The following RIPOR3 variants were observed in gnomAD, a reference collection of about 807,000 sequenced individuals.
RIPOR3 encodes RIPOR family member 3, also known as family with sequence similarity 65 member C.
Under a neutral mutation model 114.3 loss-of-function variants are expected in RIPOR3, and 95 were observed. The ratio of observed to expected loss-of-function variants is 0.83; its 90% CI spans 0.70 to 0.99. The LOEUF is 0.99. RIPOR3 is among the 50% of genes least tolerant of loss of function. The pLI is 0.00. For synonymous variants in RIPOR3, 575 were observed against 543.8 expected (o/e 1.06, Z -0.80); for missense variants, 1,252 against 1,266.9 (o/e 0.99, Z 0.18).
intron 4 of RIPOR3, among the ~76,000 whole-genome samples, chr20:50,611,863 C>T (rs548836322): frequency 6.6e-6 from 1 of 152,278 alleles, no homozygotes; most frequent in Non-Finnish European, 1.5e-5. Context: ...GTGGCTCACG[C>T]CTGTAATCCC....
intron 3 of RIPOR3, among the ~76,000 whole-genome samples, chr20:50,618,867 G>T (rs1198838190): frequency 1.3e-5 from 2 of 152,146 alleles, no homozygotes; most frequent in African/African-American, 4.8e-5. Context: ...CTTGAGTCAG[G>T]AGTTCAAGAC....
intron 11 of RIPOR3, 31 bp from the exon 12 acceptor site, chr20:50,604,805 A>C (rs765571717): frequency 6.2e-7 from 1 of 1,600,354 alleles, no homozygotes; most frequent in Non-Finnish European, 8.5e-7. Flanking sequence ...TCAGGATGCC[A>C]TCGGCACCCA....
In RIPOR3 at chr20:50,593,251, T is replaced by C. The variant is rs979908932; in HGVS notation, c.2213-55A>G. 5.5e-5 allele frequency: 86 copies of C among 1,574,660 alleles called. 1 individual carries two copies. The South Asian group carries it at 9.5e-4, about 17-fold the overall frequency. ...AACTGAGACCTCGACCCTCCACGCT[T>C]CTCAGCTGGGAGTAGCCTGGTCAGC... On this transcript the variant is annotated intron_variant, in intron 17 of 21. Transcript: ENST00000327979.
At chr20:50,667,018 A>G (rs1014233763) in intron 1 of RIPOR3, among the ~76,000 whole-genome samples, 1 of 152,020 alleles carries the variant, frequency 6.6e-6, no homozygotes, top group Non-Finnish European at 1.5e-5. Flanking sequence ...TATCCCTCCT[A>G]ACCTCCCCTA....
At chr20:50,682,954 T>C (rs2086905926) in intron 1 of RIPOR3, among the ~76,000 whole-genome samples, 2 of 152,264 alleles carry the variant, frequency 1.3e-5, no homozygotes, top group South Asian at 4.1e-4. Flanking sequence ...CTCGAACTCC[T>C]GACCTCAGGT....
rs538714766 is a variant in RIPOR3 at position 50,643,306 on chromosome 20, T to G, written c.4-12450A>C. Among the ~76,000 whole-genome samples, 416 of 151,330 alleles carry G rather than the reference T, an allele frequency of 2.7e-3. 1 individual carries two copies. The highest frequency in any genetic ancestry group is 5.4e-3 in the South Asian group (26 of 4,776). ...CAGGCTAATTTTTGTGTGTGTTTTT[T>G]TTTTTTTTTTAGTAGAGTTGGGGTT... On this transcript the variant is annotated intron_variant, in intron 1 of 21. Coordinates refer to ENST00000327979, the MANE Select transcript of RIPOR3 (RefSeq NM_001290268.2).
At chr20:50,599,005 TTAGGTTCCTGTGAACCTCTGGTCAC>T (rs2083400612) in intron 13 of RIPOR3, among the ~76,000 whole-genome samples, 1 of 151,964 alleles carries the variant, frequency 6.6e-6, no homozygotes, top group Non-Finnish European at 1.5e-5. Context: ...AGTTACTGGG[TTAGGTTCCTGTGAACCTCTGGTCAC>T]AGCAGTTTTA....
In RIPOR3 at chr20:50,592,627, C is replaced by G. The variant is rs2083150805; in HGVS notation, c.2375-81G>C. The G allele has an allele frequency of 2.4e-6, 3 of 1,260,860 alleles. No individual in the cohort carries two copies. The South Asian group carries it at 5.6e-5, about 23-fold the overall frequency. 78.1% of individuals were successfully genotyped at this position (1,260,860 alleles called of 1,614,324 possible). ...AGCTGCAAGTTTGCTTGGCTGCTGC[C>G]AGTAGCCACAGAGGAACAAATCCCA... On this transcript the variant is annotated intron_variant, in intron 18 of 21. Transcript: ENST00000327979.
intron 1 of RIPOR3, among the ~76,000 whole-genome samples, chr20:50,678,333 G>A (rs559548272): frequency 2.6e-4 from 39 of 152,176 alleles, no homozygotes; most frequent in Non-Finnish European, 4.7e-4. Flanking sequence ...TCACCCTGTG[G>A]CTCCTCACTC....
chr20:50,633,140 T>TA (rs1465089642), intron 1 of RIPOR3, among the ~76,000 whole-genome samples: 8 of 152,230 alleles, frequency 5.3e-5, no homozygotes, highest in African/African-American at 1.9e-4. Context: ...CAGGCGCCTG[T>TA]AATCCCAGCT....
rs1224208437 is a variant in RIPOR3, at chr20:50,589,830, G to A, written c.2578-61C>T. 4.7e-6 allele frequency: 7 copies of A among 1,501,378 alleles called. No individual in the cohort carries two copies. In the East Asian group the frequency reaches 1.6e-4, roughly 35 times the overall value. 93.0% of individuals were successfully genotyped at this position (1,501,378 alleles called of 1,614,324 possible). A position where few individuals can be genotyped will look rare whatever the true frequency, so the allele number is the denominator to read the frequency against. On this transcript the variant is annotated intron_variant, in intron 19 of 21. Transcript: ENST00000327979. ...AGCAGAAGTGGAGTCCATGGTTCCGGGTCCATCAGCCACCAGGTGCCGACA... is the reference window on the plus strand; with the variant it reads ...AGCAGAAGTGGAGTCCATGGTTCCGAGTCCATCAGCCACCAGGTGCCGACA...
intron 2 of RIPOR3, among the ~76,000 whole-genome samples, chr20:50,624,379 G>T (rs989548836): frequency 6.6e-6 from 1 of 152,244 alleles, no homozygotes; most frequent in Non-Finnish European, 1.5e-5. Flanking sequence ...CTCACTCCCA[G>T]CTCCTGCCTC....
At chr20:50,690,686 G>T (rs2087181835) in intron 1 of RIPOR3, among the ~76,000 whole-genome samples, 1 of 152,164 alleles carries the variant, frequency 6.6e-6, no homozygotes, top group Non-Finnish European at 1.5e-5. Context: ...GACCGGCTGT[G>T]TGACCTCAGC....
At chr20:50,675,937 T>C (rs1320390186) in intron 1 of RIPOR3, among the ~76,000 whole-genome samples, 1 of 152,164 alleles carries the variant, frequency 6.6e-6, no homozygotes, top group Admixed American at 6.5e-5. Flanking sequence ...CCCTTAAATA[T>C]CCTCAGACAA....
chr20:50,596,105 C>G lies in RIPOR3; in HGVS notation c.1914+35G>C, dbSNP rs777729833. Reference sequence around the variant, plus strand: ...TGCAAAGAGGACTCCAAACCCCTGTCTGCCCCTCCCTGACAAGTCCCCTAG... The same window carrying G: ...TGCAAAGAGGACTCCAAACCCCTGTGTGCCCCTCCCTGACAAGTCCCCTAG... On this transcript the variant is annotated intron_variant, in intron 15 of 21. Coordinates refer to ENST00000327979, the MANE Select transcript of RIPOR3 (RefSeq NM_001290268.2). The G allele has an allele frequency of 6.8e-6, 11 of 1,613,516 alleles. 1 individual carries two copies. The South Asian group carries it at 1.1e-4, about 16-fold the overall frequency.
At chr20:50,597,856 C>T (rs550095943) in intron 13 of RIPOR3, 146 bp from the exon 14 acceptor site, 12 of 1,282,584 alleles carry the variant, frequency 9.4e-6, no homozygotes, top group East Asian at 2.6e-5. Flanking sequence ...GAAGCCCAGC[C>T]GCTGGCCCAA....
intron 1 of RIPOR3, among the ~76,000 whole-genome samples, chr20:50,659,507 C>T (rs1307769956): frequency 2.6e-5 from 4 of 151,610 alleles, no homozygotes; most frequent in Admixed American, 6.6e-5. Context: ...ATTAGCCAGG[C>T]GTGGTGGCAG....
intron 16 of RIPOR3, 99 bp from the exon 17 acceptor site, chr20:50,594,813 G>T (rs867613774): frequency 1.4e-6 from 2 of 1,385,392 alleles, no homozygotes; most frequent in African/African-American, 1.4e-5. Context: ...GGGGTAGGGA[G>T]GAGGGGACGG....
chr20:50,590,201 T>C (rs2083065578), intron 19 of RIPOR3, among the ~76,000 whole-genome samples: 1 of 152,226 alleles, frequency 6.6e-6, no homozygotes. Flanking sequence ...TCAGCCCTCC[T>C]GTCCAATCCC....
Sources: allele counts gnomAD v4.1 joint callset (sites outside exome capture counted in the v4.1 genomes callset), GRCh38; gene constraint gnomAD v4.1.1; transcripts MANE v1.5; gene names NCBI Gene and HGNC (gene_info 2026-07-23, HGNC 2026-07-21).